Variants in TBC1D30 observed in about 807,000 individuals in gnomAD.
The protein encoded by TBC1D30 is TBC1 domain family, member 30.
A neutral mutation model predicts 63.2 loss-of-function variants in TBC1D30; 31 were observed. That is an observed-to-expected ratio of 0.49 (90% confidence interval 0.37 to 0.66). The LOEUF is 0.66. Ranked by LOEUF, TBC1D30 falls within the 30% of genes least tolerant of loss-of-function variation. The pLI is 0.00. For synonymous variants in TBC1D30, 307 were observed against 361.5 expected, an observed-to-expected ratio of 0.85 and a Z score of 1.71; for missense variants, 810 against 953.6, an observed-to-expected ratio of 0.85 and a Z score of 1.98.
intron 2 of TBC1D30, among the ~76,000 whole-genome samples, chr12:64,802,033 G>A (rs114935635): frequency 0.01 from 1,539 of 152,078 alleles, 34 homozygotes; most frequent in African/African-American, 0.035. Context: ...GTACTGGCAC[G>A]AACAAGTACT....
intron 1 of TBC1D30, among the ~76,000 whole-genome samples, chr12:64,827,530 A>G (rs1229120846): frequency 6.6e-6 from 1 of 152,206 alleles, no homozygotes; most frequent in African/African-American, 2.4e-5. Context: ...ACCAAGTCGA[A>G]TGGAGGACTG....
chr12:64,854,498 C>CTTTCT (rs796208448), intron 8 of TBC1D30, among the ~76,000 whole-genome samples: 2 of 138,824 alleles, frequency 1.4e-5, no homozygotes, highest in Admixed American at 7.2e-5. Context: ...CTTTTTCTTT[C>CTTTCT]TTTTTTTTTT....
rs1404954942 is a variant in TBC1D30, at chr12:64,824,816, CAGCGAGTG to C, written c.-63_-56del. On this transcript the variant is annotated 5_prime_UTR_variant, in exon 1 of 12. Coordinates refer to ENST00000539867, the MANE Select transcript of TBC1D30 (RefSeq NM_015279.2). The stretch of plus-strand genomic sequence containing the variant: ...ACCCAGCTCCGCGAGCTCAGCCGCT[CAGCGAGTG>C]GGGTAGCGGGGACCGAGACGGACGG... The C allele has an allele frequency of 6.7e-7, 1 of 1,498,858 alleles. No homozygotes were observed. The highest frequency in any genetic ancestry group is 2.5e-5 in the East Asian group (1 of 40,306). 92.8% of individuals were successfully genotyped at this position (1,498,858 alleles called of 1,614,324 possible).
At chr12:64,867,522 A>G (rs1411068461) in intron 10 of TBC1D30, among the ~76,000 whole-genome samples, 1 of 151,674 alleles carries the variant, frequency 6.6e-6, no homozygotes, top group Non-Finnish European at 1.5e-5. Flanking sequence ...TTATTATGTA[A>G]TGGTTTTCCT....
At chr12:64,838,603 A>G (rs1222251501) in intron 6 of TBC1D30, 80 bp from the exon 7 acceptor site, 14 of 1,365,582 alleles carry the variant, frequency 1.0e-5, no homozygotes, top group African/African-American at 2.9e-5. Flanking sequence ...TTGAGTGGAC[A>G]TGGAAGACTA....
In TBC1D30 at chr12:64,875,260, G is replaced by A. The variant is rs922646523; in HGVS notation, c.1758G>A (p.Gly586=). 4.6e-6 allele frequency: 7 copies of A among 1,536,162 alleles called. No individual in the cohort carries two copies. In the African/African-American group the frequency reaches 6.8e-5, roughly 15 times the overall value. The part of the protein sequence containing the change: ...MPRTKSHPGC[G]DTVGLIDEQN... ...GGACCAAGAGTCATCCGGGCTGTGG[G>A]GACACCGTAGGGCTGATAGATGAGC... The change falls in exon 12 of 12, where the codon GGG becomes GGA. Residue 586 remains glycine (G), a synonymous_variant. Transcript: ENST00000539867.
intron 4 of TBC1D30, among the ~76,000 whole-genome samples, chr12:64,830,830 AAGTT>A (rs1352677097): frequency 1.3e-5 from 2 of 152,196 alleles, no homozygotes; most frequent in African/African-American, 4.8e-5. Context: ...CTGATTGAAA[AAGTT>A]AGTTAAGTAT....
upstream of TBC1D30, among the ~76,000 whole-genome samples, chr12:64,824,158 A>G (rs1874074918): frequency 6.6e-6 from 1 of 152,018 alleles, no homozygotes; most frequent in Non-Finnish European, 1.5e-5. Flanking sequence ...ACTTTTTAAT[A>G]CTGCTTGAAA....
chr12:64,872,681 T>C (rs566074233), intron 11 of TBC1D30, among the ~76,000 whole-genome samples: 1 of 152,170 alleles, frequency 6.6e-6, no homozygotes, highest in Non-Finnish European at 1.5e-5. Context: ...ATTAGTCTGT[T>C]TTCACACTGC....
chr12:64,856,373 C>T (rs928065613), intron 8 of TBC1D30, among the ~76,000 whole-genome samples: 5 of 152,194 alleles, frequency 3.3e-5, no homozygotes, highest in Non-Finnish European at 4.4e-5. Context: ...TCCAAATTAT[C>T]ACCAGGTATT....
intron 2 of TBC1D30, among the ~76,000 whole-genome samples, chr12:64,811,638 A>T (rs530464843): frequency 6.6e-6 from 1 of 152,268 alleles, no homozygotes; most frequent in South Asian, 2.1e-4. Flanking sequence ...CAGCCATGGC[A>T]TCGTATAAGA....
intron 2 of TBC1D30, among the ~76,000 whole-genome samples, chr12:64,803,770 T>G (rs900323396): frequency 8.5e-5 from 13 of 152,140 alleles, no homozygotes; most frequent in Non-Finnish European, 1.2e-4. Flanking sequence ...TTTCCCCATT[T>G]CTTGTTTTTG....
At chr12:64,797,260 C>T (rs2136311069) in intron 2 of TBC1D30, among the ~76,000 whole-genome samples, 1 of 152,284 alleles carries the variant, frequency 6.6e-6, no homozygotes, top group Admixed American at 6.5e-5. Context: ...ATAGTGACAG[C>T]TTCCTGAAGA....
At chr12:64,827,721 A>G in intron 1 of TBC1D30, 114 bp from the exon 2 acceptor site, 2 of 753,944 alleles carry the variant, frequency 2.7e-6, no homozygotes, top group Non-Finnish European at 4.2e-6. Flanking sequence ...TAGTAAAGAT[A>G]CATACTTTAA....
At chr12:64,808,741 C>T (rs910832620) in intron 2 of TBC1D30, among the ~76,000 whole-genome samples, 4 of 152,012 alleles carry the variant, frequency 2.6e-5, no homozygotes, top group African/African-American at 9.7e-5. Context: ...TTCCCCATTC[C>T]CTCCCTCCCC....
chr12:64,862,033 G>T (rs1054482814), intron 8 of TBC1D30, among the ~76,000 whole-genome samples: 4 of 152,160 alleles, frequency 2.6e-5, no homozygotes, highest in Admixed American at 6.5e-5. Flanking sequence ...TGCCTTTGTG[G>T]CCATCTGTTG....
At chr12:64,801,960 A>T (rs1872600606) in intron 2 of TBC1D30, among the ~76,000 whole-genome samples, 1 of 152,044 alleles carries the variant, frequency 6.6e-6, no homozygotes, top group Non-Finnish European at 1.5e-5. Context: ...TTTTGCTGTG[A>T]ATTTTTACTT....
intron 2 of TBC1D30, among the ~76,000 whole-genome samples, chr12:64,790,632 C>T (rs1871863952): frequency 6.6e-6 from 1 of 152,146 alleles, no homozygotes; most frequent in African/African-American, 2.4e-5. Context: ...TTTTAGACAG[C>T]TTACAGCCTA....
rs551003138 is a variant in TBC1D30 at position 64,867,482 on chromosome 12, T to A, written c.1291+579T>A. 4.5e-4 allele frequency among the ~76,000 whole-genome samples: 69 copies of A among 152,056 alleles called. 1 individual carries two copies. The South Asian group carries it at 8.5e-3, about 19-fold the overall frequency. ...CTCAAAAAAAAAAAAAAATTGTTAC[T>A]AAAAGTATCTTCTCTGTTACTTTAT... is the stretch of plus-strand genomic sequence containing the variant. On this transcript the variant is annotated intron_variant, in intron 10 of 11. Coordinates refer to ENST00000539867, the MANE Select transcript of TBC1D30 (RefSeq NM_015279.2).
Sources: allele counts gnomAD v4.1 joint callset (sites outside exome capture counted in the v4.1 genomes callset), GRCh38; gene constraint gnomAD v4.1.1; transcripts MANE v1.5; gene names NCBI Gene and HGNC (gene_info 2026-07-23, HGNC 2026-07-21).